Variants in ADAMTSL2 observed in about 807,000 individuals in gnomAD.
ADAMTSL2 encodes the protein ADAMTS-like protein 2.
Under a neutral mutation model 117.0 loss-of-function variants are expected in ADAMTSL2, and 55 were observed. The observed-to-expected ratio is 0.47, with a 90% CI of 0.38 to 0.59. ADAMTSL2 has a LOEUF of 0.59. Among genes scored for constraint, ADAMTSL2 ranks in the 20% least tolerant of loss-of-function variants. The pLI is 0.00. For missense variants in ADAMTSL2, 1,182 were observed against 1,354.5 expected, an observed-to-expected ratio of 0.87 and a Z score of 2.00; for synonymous variants, 572 against 566.4, an observed-to-expected ratio of 1.01 and a Z score of -0.14.
At chr9:133,552,896 G>A (rs1460760064) in intron 9 of ADAMTSL2, among the ~76,000 whole-genome samples, 3 of 152,162 alleles carry the variant, frequency 2.0e-5, no homozygotes, top group Non-Finnish European at 2.9e-5. Flanking sequence ...TTCTCCCCAC[G>A]TTCTTACCAA....
At chr9:133,536,910 G>A in intron 2 of ADAMTSL2, 108 bp downstream of exon 2, 6 of 1,545,844 alleles carry the variant, frequency 3.9e-6, no homozygotes, top group Non-Finnish European at 5.3e-6. Context: ...ACGTGCCCCA[G>A]GTCCCAGAAC....
intron 15 of ADAMTSL2, among the ~76,000 whole-genome samples, 173 bp from the exon 16 acceptor site, chr9:133,569,235 G>A (rs1831048185): frequency 6.6e-6 from 1 of 152,160 alleles, no homozygotes; most frequent in South Asian, 2.1e-4. Context: ...TTTTCATCAA[G>A]CATGCATTAT....
At chr9:133,538,538 T>TC in intron 4 of ADAMTSL2, 114 bp downstream of exon 4, 3 of 1,244,098 alleles carry the variant, frequency 2.4e-6, no homozygotes, top group Non-Finnish European at 3.5e-6. Context: ...TGTGGGCTGC[T>TC]CTTCAAGGAG....
At position 133,568,337 on chromosome 9, in the gene ADAMTSL2, G is replaced by C. The variant is rs368824783; in HGVS notation, c.1939G>C (p.Val647Leu). ...CGGAGAGGGCTACCAGTTCCGCGTCGTGCGCTGCTGGAAGATGCTCTCGCC... is the reference window on the plus strand; with the variant it reads ...CGGAGAGGGCTACCAGTTCCGCGTCCTGCGCTGCTGGAAGATGCTCTCGCC... Reference protein sequence around the residue: ...TCGEGYQFRVVRCWKMLSPGF... With the variant: ...TCGEGYQFRVLRCWKMLSPGF... Residue 647 changes from valine to leucine, a missense_variant, in exon 14 of 19, where the codon GTG (valine) becomes CTG (leucine). Physicochemically the swap from Val to Leu is conservative, Grantham distance 32. Around this residue, in one of 3 missense-constraint regions of ADAMTSL2, gnomAD observed 465 missense variants for 565.3 expected, o/e 0.82. Coordinates refer to ENST00000651351, the MANE Select transcript of ADAMTSL2 (RefSeq NM_014694.4). 8.2e-6 allele frequency: 13 copies of C among 1,587,686 alleles called. No homozygotes were observed. The highest frequency in any genetic ancestry group is 1.1e-5 in the Non-Finnish European group (13 of 1,167,938).
chr9:133,544,538 G>A lies in ADAMTSL2; in HGVS notation c.751G>A (p.Ala251Thr), dbSNP rs774653225. Residue 251 changes from alanine (A) to threonine (T), a missense_variant, in exon 8 of 19, where the codon GCT (alanine) becomes ACT (threonine). Physicochemically the swap from Ala to Thr is moderately conservative, Grantham distance 58. Coordinates refer to ENST00000651351, the MANE Select transcript of ADAMTSL2 (RefSeq NM_014694.4). ...DIQIVERKKS[A>T]DVLALADEAG... is the part of the protein sequence containing the mutation. Reference sequence around the variant, plus strand: ...CCAGATTGTAGAGAGGAAGAAGTCCGCTGACGTGCTAGGTGGGTACGCAGT... The same window carrying A: ...CCAGATTGTAGAGAGGAAGAAGTCCACTGACGTGCTAGGTGGGTACGCAGT... 16 of 1,613,960 alleles carry A rather than the reference G, an allele frequency of 9.9e-6. No individual in the cohort carries two copies. The highest frequency in any genetic ancestry group is 4.5e-5 in the East Asian group (2 of 44,898).
intron 9 of ADAMTSL2, among the ~76,000 whole-genome samples, chr9:133,550,145 C>G (rs137931483): frequency 1.3e-5 from 2 of 152,356 alleles, no homozygotes; most frequent in East Asian, 3.9e-4. Flanking sequence ...AATGGCCAAA[C>G]TTGATTTAGA....
chr9:133,565,783 G>A (rs767481697), intron 12 of ADAMTSL2, among the ~76,000 whole-genome samples: 15 of 151,968 alleles, frequency 9.9e-5, no homozygotes, highest in Non-Finnish European at 2.1e-4. Context: ...GGCAGCTGCA[G>A]CCAAGACCGT....
At chr9:133,540,799 C>CGCCT in intron 6 of ADAMTSL2, 56 bp downstream of exon 6, 1 of 1,613,406 alleles carries the variant, frequency 6.2e-7, no homozygotes, top group South Asian at 1.1e-5. Flanking sequence ...ACTGCCCGCC[C>CGCCT]GCCTGTGGGA....
chr9:133,552,283 G>A (rs766184527), intron 9 of ADAMTSL2, among the ~76,000 whole-genome samples: 3 of 152,112 alleles, frequency 2.0e-5, no homozygotes, highest in East Asian at 1.9e-4. Flanking sequence ...CCTAGCCCGC[G>A]GAACCCTGAC....
At chr9:133,541,414 G>A (rs1830221527) in intron 7 of ADAMTSL2, among the ~76,000 whole-genome samples, 1 of 151,592 alleles carries the variant, frequency 6.6e-6, no homozygotes. Flanking sequence ...TCAGCCTCCC[G>A]AGGAGCTGGG....
intron 11 of ADAMTSL2, among the ~76,000 whole-genome samples, chr9:133,560,659 G>A (rs1471794514): frequency 3.3e-5 from 5 of 152,346 alleles, no homozygotes; most frequent in Non-Finnish European, 5.9e-5. Context: ...CTGTAGGCTC[G>A]GCCCCTGCCA....
In ADAMTSL2 at chr9:133,575,096, G is replaced by T. The variant is rs1564185495; in HGVS notation, c.*232G>T. The T allele has an allele frequency of 1.4e-5, 8 of 574,686 alleles. No homozygotes were observed. Among genetic ancestry groups the T allele is most frequent in the Non-Finnish European group, 2.5e-5 (8 of 319,720 alleles). 35.6% of individuals were successfully genotyped at this position (574,686 alleles called of 1,614,324 possible). A position where few individuals can be genotyped will look rare whatever the true frequency, so the allele number is the denominator to read the frequency against. On this transcript the variant is annotated 3_prime_UTR_variant, in exon 19 of 19. Coordinates refer to ENST00000651351, the MANE Select transcript of ADAMTSL2 (RefSeq NM_014694.4). ...CCCAGACAGAGCCACCCCTGCCGTG[G>T]GAACCTGTCCGTGTTCCTGCGTGGA...
upstream of ADAMTSL2, chr9:133,532,546 G>T (rs542229916): frequency 5.3e-5 from 8 of 152,170 alleles, no homozygotes; most frequent in African/African-American, 1.9e-4. Context: ...AGGGCCATAC[G>T]GCTGCAACAC....
At chr9:133,565,209 G>T (rs1401340297) in intron 12 of ADAMTSL2, among the ~76,000 whole-genome samples, 1 of 152,130 alleles carries the variant, frequency 6.6e-6, no homozygotes, top group South Asian at 2.1e-4. Context: ...CGAGATGGGT[G>T]TCATGAAGAG....
At position 133,537,563 on chromosome 9, in the gene ADAMTSL2, C is replaced by T. The variant is rs767268986; in HGVS notation, c.233+16C>T. On this transcript the variant is annotated intron_variant, in intron 3 of 18. Coordinates refer to ENST00000651351, the MANE Select transcript of ADAMTSL2 (RefSeq NM_014694.4). ...TGCAGCAGAGGTGCGAGGTTGGGCA[C>T]GTGGCCCTGAGGGGATGGCATGAGG... is the stretch of plus-strand genomic sequence containing the variant. The T allele has an allele frequency of 2.8e-5, 37 of 1,339,358 alleles. No homozygotes were observed. The highest frequency in any genetic ancestry group is 2.6e-4 in the South Asian group (10 of 39,176). 83.0% of individuals were successfully genotyped at this position (1,339,358 alleles called of 1,614,324 possible). A position where few individuals can be genotyped will look rare whatever the true frequency, so the allele number is the denominator to read the frequency against.
At position 133,567,013 on chromosome 9, in the gene ADAMTSL2, C is replaced by A; in HGVS notation, c.1825C>A (p.Arg609Ser). The part of the protein sequence containing the change: ...VDDSYCDALT[R>S]PEPVHEFCAG... ...TGACAGCTACTGTGACGCCCTGACC[C>A]GTCCCGAGCCTGTCCACGAGTTCTG... is the stretch of plus-strand genomic sequence containing the variant. Residue 609 changes from arginine (R) to serine (S), a missense_variant, in exon 13 of 19, where the codon CGT becomes AGT. Around this residue, in one of 3 missense-constraint regions of ADAMTSL2, gnomAD observed 465 missense variants for 565.3 expected, o/e 0.82. Transcript: ENST00000651351. 6.2e-7 allele frequency: 1 copy of A among 1,611,416 alleles called. No homozygotes were observed.
chr9:133,541,716 A>G (rs916479062), intron 7 of ADAMTSL2, among the ~76,000 whole-genome samples: 2 of 152,070 alleles, frequency 1.3e-5, no homozygotes, highest in African/African-American at 4.8e-5. Flanking sequence ...CTCCAGGCTG[A>G]CCCAGCCCAG....
intron 9 of ADAMTSL2, among the ~76,000 whole-genome samples, chr9:133,551,083 G>A (rs540641609): frequency 5.4e-4 from 82 of 152,130 alleles, no homozygotes; most frequent in African/African-American, 1.8e-3. Context: ...CTCTCATCTC[G>A]GGCTGCCCTG....
chr9:133,542,095 C>T (rs979384050), intron 7 of ADAMTSL2, among the ~76,000 whole-genome samples: 3 of 152,136 alleles, frequency 2.0e-5, no homozygotes, highest in South Asian at 4.1e-4. Flanking sequence ...ACGGAGGACC[C>T]GACCGTGTCT....
Sources: gnomAD v4.1 joint callset for allele counts (sites outside exome capture counted in the v4.1 genomes callset) on GRCh38, gnomAD v4.1.1 for gene constraint, gnomAD v4.1.1 regional missense constraint, MANE v1.5 for transcripts, NCBI Gene and HGNC (gene_info 2026-07-23, HGNC 2026-07-21) for gene names.